The following STPG2 variants were observed in gnomAD, a reference collection of about 807,000 sequenced individuals.
STPG2 encodes the protein sperm-tail PG-rich repeat-containing protein 2.
In STPG2, 56 loss-of-function variants were observed where a neutral mutation model predicts 54.2. The ratio of observed to expected loss-of-function variants is 1.03; its 90% CI spans 0.83 to 1.29. STPG2 has a LOEUF of 1.29. STPG2 is among the 50% of genes most tolerant of loss of function. STPG2 has a pLI of 0.00. For missense variants in STPG2, 596 were observed against 544.9 expected (o/e 1.09, Z -0.93); for synonymous variants, 200 against 181.8 (o/e 1.10, Z -0.81).
chr4:97,447,651 G>A (rs558669693), intron 4 of STPG2, among the ~76,000 whole-genome samples: 1 of 152,298 alleles, frequency 6.6e-6, no homozygotes, highest in South Asian at 2.1e-4. Context: ...TGTAGTGTTG[G>A]GCCTGAGGGT....
At chr4:97,624,600 G>C (rs893216414) in intron 10 of STPG2, among the ~76,000 whole-genome samples, 3 of 151,988 alleles carry the variant, frequency 2.0e-5, no homozygotes, top group Non-Finnish European at 4.4e-5. Context: ...AGTTTCTTTT[G>C]CTGTGCAAAA....
intron 8 of STPG2, among the ~76,000 whole-genome samples, chr4:97,866,430 T>C (rs1184304362): frequency 2.0e-5 from 3 of 152,054 alleles, no homozygotes; most frequent in Non-Finnish European, 4.4e-5. Flanking sequence ...TCATTTATCC[T>C]TACATATTTC....
chr4:97,690,601 A>G (rs1468731600), intron 10 of STPG2, among the ~76,000 whole-genome samples: 1 of 152,164 alleles, frequency 6.6e-6, no homozygotes, highest in Non-Finnish European at 1.5e-5. Context: ...CTCTCTCCAT[A>G]ACATATTTAG....
chr4:97,553,062 T>C (rs1335585914), intron 4 of STPG2, among the ~76,000 whole-genome samples: 2 of 152,192 alleles, frequency 1.3e-5, no homozygotes, highest in African/African-American at 4.8e-5. Context: ...TAGAAGGAGA[T>C]GGCAATGTTC....
intron 5 of STPG2, among the ~76,000 whole-genome samples, chr4:98,056,451 C>T (rs1036666427): frequency 5.3e-5 from 8 of 152,162 alleles, no homozygotes; most frequent in Admixed American, 2.0e-4. Flanking sequence ...GTGCCCCCAG[C>T]GCAGTGAACT....
chr4:97,963,424 A>G (rs972147596), intron 7 of STPG2, among the ~76,000 whole-genome samples: 3 of 152,124 alleles, frequency 2.0e-5, no homozygotes, highest in Non-Finnish European at 4.4e-5. Context: ...TGGGAGGCAG[A>G]GGCAGGGGGA....
intron 10 of STPG2, among the ~76,000 whole-genome samples, chr4:97,645,051 G>A (rs1232157479): frequency 1.3e-5 from 2 of 151,858 alleles, no homozygotes; most frequent in Admixed American, 1.3e-4. Context: ...TATTCTAAAC[G>A]TACAATTATG....
intron 8 of STPG2, among the ~76,000 whole-genome samples, chr4:97,889,806 TAA>T (rs1352509477): frequency 6.6e-6 from 1 of 152,138 alleles, no homozygotes; most frequent in Non-Finnish European, 1.5e-5. Context: ...TGAAAAATCC[TAA>T]GAGAGTGACA....
chr4:97,764,385 A>T (rs1725979905), intron 9 of STPG2, among the ~76,000 whole-genome samples: 1 of 152,194 alleles, frequency 6.6e-6, no homozygotes, highest in Non-Finnish European at 1.5e-5. Flanking sequence ...TATAAGATAC[A>T]TTAGGTTGGG....
At chr4:97,952,118 G>T (rs1401543576) in intron 7 of STPG2, among the ~76,000 whole-genome samples, 6 of 152,076 alleles carry the variant, frequency 3.9e-5, no homozygotes, top group Non-Finnish European at 7.4e-5. Context: ...TCCAAGTATA[G>T]AGGAGTTCTG....
intron 9 of STPG2, among the ~76,000 whole-genome samples, chr4:97,764,491 A>C (rs1324242266): frequency 6.6e-6 from 1 of 152,178 alleles, no homozygotes; most frequent in Non-Finnish European, 1.5e-5. Flanking sequence ...TGAAGGTTAA[A>C]GGATACAAGG....
intron 9 of STPG2, among the ~76,000 whole-genome samples, chr4:97,722,301 G>A (rs1229335390): frequency 2.7e-5 from 4 of 150,852 alleles, no homozygotes; most frequent in African/African-American, 9.8e-5. Flanking sequence ...CTTAAGCCTG[G>A]AGGGGAAATG....
At chr4:97,942,269 C>A (rs1274523102) in intron 8 of STPG2, among the ~76,000 whole-genome samples, 3 of 151,620 alleles carry the variant, frequency 2.0e-5, no homozygotes, top group African/African-American at 7.3e-5. Flanking sequence ...ACTTTGAATC[C>A]ATTCAATGAC....
At chr4:98,140,866 GC>G (rs1740263098) in intron 1 of STPG2, among the ~76,000 whole-genome samples, 1 of 152,198 alleles carries the variant, frequency 6.6e-6, no homozygotes, top group African/African-American at 2.4e-5. Flanking sequence ...AGTGTTGAAA[GC>G]CGAAAGATTA....
intron 8 of STPG2, among the ~76,000 whole-genome samples, chr4:97,940,382 T>A (rs1342883275): frequency 6.6e-6 from 1 of 152,218 alleles, no homozygotes; most frequent in Non-Finnish European, 1.5e-5. Flanking sequence ...GATTATATCC[T>A]TAAATATGTT....
intron 4 of STPG2, among the ~76,000 whole-genome samples, chr4:97,448,583 A>T (rs1381406391): frequency 6.6e-6 from 1 of 152,078 alleles, no homozygotes; most frequent in African/African-American, 2.4e-5. Context: ...CCTTGTGAAG[A>T]AGGTACTTGC....
chr4:97,532,852 T>C (rs565821325), intron 4 of STPG2, among the ~76,000 whole-genome samples: 2 of 152,296 alleles, frequency 1.3e-5, no homozygotes, highest in East Asian at 1.9e-4. Flanking sequence ...TCAACAATGG[T>C]TGAGAAATGC....
At chr4:97,953,719 C>T (rs1412032993) in intron 7 of STPG2, among the ~76,000 whole-genome samples, 2 of 152,214 alleles carry the variant, frequency 1.3e-5, no homozygotes, top group Non-Finnish European at 2.9e-5. Flanking sequence ...CCAGGTTCCC[C>T]AGTTGGGGTG....
Position 97,849,955 on chromosome 4 carries a change from T to C in STPG2, c.1045-9023A>G, listed in dbSNP as rs189566353. Among the ~76,000 whole-genome samples the C allele has an allele frequency of 5.7e-3, 862 of 152,126 alleles. 5 individuals are homozygous for C. The highest frequency in any genetic ancestry group is 0.02 in the Middle Eastern group (6 of 294). On this transcript the variant is annotated intron_variant, in intron 8 of 10. Coordinates refer to ENST00000295268, the MANE Select transcript of STPG2 (RefSeq NM_174952.3). ...CAAAGGATTATAAATCATGCTGTTA[T>C]AAAGACACATGCACACGTATGTTTA...
Sources: allele counts gnomAD v4.1 joint callset (sites outside exome capture counted in the v4.1 genomes callset), GRCh38; gene constraint gnomAD v4.1.1; transcripts MANE v1.5; gene names NCBI Gene and HGNC (gene_info 2026-07-23, HGNC 2026-07-21).